The following TRPV3 variants were observed in gnomAD, a reference collection of about 807,000 sequenced individuals.
TRPV3 encodes VRL-3.
TRPV3 carries 88 observed loss-of-function variants against 87.1 expected under a neutral mutation model. The observed-to-expected ratio is 1.01, with a 90% CI of 0.85 to 1.21. TRPV3 has a LOEUF of 1.21. Among genes scored for constraint, TRPV3 ranks in the 50% most tolerant of loss-of-function variants. TRPV3 has a pLI of 0.00. For missense variants in TRPV3, 1,054 were observed against 1,030.1 expected (o/e 1.02, Z -0.32); for synonymous variants, 438 against 423.3 (o/e 1.03, Z -0.43).
intron 14 of TRPV3, among the ~76,000 whole-genome samples, chr17:3,519,723 T>G (rs1214883841): frequency 6.8e-6 from 1 of 147,636 alleles, no homozygotes; most frequent in African/African-American, 2.5e-5. Flanking sequence ...GATGGATGGA[T>G]GGATGGATGG....
chr17:3,513,974 G>C lies in TRPV3; in HGVS notation c.2316C>G (p.Ser772Arg). 1 of 1,614,088 alleles carries C rather than the reference G, an allele frequency of 6.2e-7. No homozygotes were observed. The highest frequency in any genetic ancestry group is 8.5e-7 in the Non-Finnish European group (1 of 1,179,968). ...NKIQDSSRNNSKTTLNAFEEV... is the reference protein window; with the variant it reads ...NKIQDSSRNNRKTTLNAFEEV... ...CTTCAAATGCATTGAGAGTGGTTTT[G>C]CTGTTGTTCCTGGAAGAATCTTGGA... Residue 772 changes from serine (S) to arginine (R), a missense_variant, in exon 18 of 18, where the codon AGC (serine) becomes AGG (arginine). By Grantham distance (110) the Ser-to-Arg change is moderately radical. Coordinates refer to ENST00000576742, the MANE Select transcript of TRPV3 (RefSeq NM_145068.4).
chr17:3,515,558 G>A (rs1159562404), intron 16 of TRPV3, among the ~76,000 whole-genome samples: 1 of 152,168 alleles, frequency 6.6e-6, no homozygotes, highest in Admixed American at 6.5e-5. Flanking sequence ...CTACCGGGGA[G>A]GCTGAGGCAG....
At chr17:3,526,240 G>C (rs927155702) in intron 12 of TRPV3, among the ~76,000 whole-genome samples, 1 of 152,178 alleles carries the variant, frequency 6.6e-6, no homozygotes, top group Non-Finnish European at 1.5e-5. Flanking sequence ...CACTCTGCAA[G>C]GCTGAGGTGG....
rs1247195894 is a variant in TRPV3 at position 3,519,419 on chromosome 17, T to TG, written c.1811-570dup. Among the ~76,000 whole-genome samples, 227 of 93,132 alleles carry TG rather than the reference T, an allele frequency of 2.4e-3. 1 individual carries two copies. Among genetic ancestry groups the TG allele is most frequent in the African/African-American group, 7.9e-3 (170 of 21,528 alleles). The allele number at this position is 93,132 out of a possible 152,430, so 61.1% of individuals were successfully genotyped here. ...AGGGATGGATGGATGGATGGATGGATGATTGGATGGATGGATGGATGGATG... is the reference window on the plus strand; with the variant it reads ...AGGGATGGATGGATGGATGGATGGATGGATTGGATGGATGGATGGATGGATG... On this transcript the variant is annotated intron_variant, in intron 14 of 17. Transcript: ENST00000576742.
chr17:3,543,369 C>T (rs1231336268), intron 5 of TRPV3, 105 bp downstream of exon 5: 3 of 1,428,276 alleles, frequency 2.1e-6, no homozygotes, highest in African/African-American at 1.4e-5. Flanking sequence ...AATTCAAGGC[C>T]CCTCACACTC....
intron 12 of TRPV3, 83 bp downstream of exon 12, chr17:3,526,771 G>T: frequency 9.0e-7 from 1 of 1,115,286 alleles, no homozygotes; most frequent in Non-Finnish European, 1.3e-6. Flanking sequence ...TAGGATATTT[G>T]TTCAAGAGGC....
intron 14 of TRPV3, among the ~76,000 whole-genome samples, chr17:3,519,634 T>TGAG (rs1253860950): frequency 6.6e-5 from 2 of 30,492 alleles, no homozygotes; most frequent in Non-Finnish European, 1.3e-4. Context: ...GGATGGATGA[T>TGAG]TAGATGGATG....
At chr17:3,549,412 A>G (rs1036819383) in intron 2 of TRPV3, among the ~76,000 whole-genome samples, 1 of 152,152 alleles carries the variant, frequency 6.6e-6, no homozygotes, top group Non-Finnish European at 1.5e-5. Flanking sequence ...GACTTTCCAC[A>G]CTCTGGACAA....
intron 16 of TRPV3, among the ~76,000 whole-genome samples, chr17:3,516,048 T>G (rs1366415777): frequency 6.6e-6 from 1 of 151,620 alleles, no homozygotes; most frequent in Non-Finnish European, 1.5e-5. Flanking sequence ...TAGCCAGGGG[T>G]GGTGGCGCAT....
intron 2 of TRPV3, chr17:3,553,755 C>G (rs574366878): frequency 1.3e-5 from 2 of 152,564 alleles, no homozygotes; most frequent in Non-Finnish European, 2.9e-5. Context: ...GCATTTTTCT[C>G]TCCATGTCCC....
In TRPV3 at chr17:3,556,195, A is replaced by T. The variant is rs1324160536; in HGVS notation, c.-2-1343T>A. Reference sequence around the variant, plus strand: ...CCGTCTCAAAAAAAATGAAAAAAAAAAAAAATAAAGTTTTTATTAAACATA... The same window carrying T: ...CCGTCTCAAAAAAAATGAAAAAAAATAAAAATAAAGTTTTTATTAAACATA... On this transcript the variant is annotated intron_variant, in intron 1 of 17. Coordinates refer to ENST00000576742, the MANE Select transcript of TRPV3 (RefSeq NM_145068.4). This position sits in a 1 kb window ranked among gnomAD's most constrained non-coding sequence, Gnocchi z 4.2. 1.3e-5 allele frequency among the ~76,000 whole-genome samples: 2 copies of T among 151,680 alleles called. No individual in the cohort carries two copies. Among genetic ancestry groups the T allele is most frequent in the African/African-American group, 2.4e-5 (1 of 41,252 alleles).
chr17:3,519,961 G>C (rs72634010), intron 14 of TRPV3, among the ~76,000 whole-genome samples: 1 of 132,012 alleles, frequency 7.6e-6, no homozygotes, highest in African/African-American at 2.9e-5. Flanking sequence ...TGGATGGATC[G>C]ATGGATGAAT....
intron 6 of TRPV3, among the ~76,000 whole-genome samples, chr17:3,541,030 A>G (rs1430574552): frequency 2.6e-5 from 4 of 152,222 alleles, no homozygotes; most frequent in African/African-American, 9.6e-5. Flanking sequence ...ACTTTCTCCC[A>G]TGAGAAGGGT....
intron 2 of TRPV3, 111 bp downstream of exon 2, chr17:3,554,621 A>C (rs1304975340): frequency 5.2e-6 from 4 of 763,376 alleles, no homozygotes; most frequent in Non-Finnish European, 8.7e-6. Context: ...ACCCCGGGCG[A>C]GACTGAGAGT....
At chr17:3,550,841 T>A (rs1005857120) in intron 2 of TRPV3, among the ~76,000 whole-genome samples, 4 of 152,170 alleles carry the variant, frequency 2.6e-5, no homozygotes, top group African/African-American at 9.7e-5. Context: ...TGCTCTTTTA[T>A]TGACTCATCT....
chr17:3,521,037 G>T lies in TRPV3; in HGVS notation c.1746C>A (p.Val582=), dbSNP rs1460626932. The T allele has an allele frequency of 1.9e-6, 3 of 1,603,682 alleles. No homozygotes were observed. Among genetic ancestry groups the T allele is most frequent in the South Asian group, 1.1e-5 (1 of 90,414 alleles). Reference sequence around the variant, plus strand: ...AGAACTTCAGAACATCATGCAAAATGACCTATAAGGAAATAAACATAATTC... The same window carrying T: ...AGAACTTCAGAACATCATGCAAAATTACCTATAAGGAAATAAACATAATTC... The part of the protein sequence containing the change: ...MGMYSVMIQK[V]ILHDVLKFLF... Residue 582 remains valine, a splice_region_variant and synonymous_variant, in exon 14 of 18, where the codon GTC becomes GTA. Transcript: ENST00000576742.
intron 2 of TRPV3, among the ~76,000 whole-genome samples, chr17:3,546,217 G>A (rs1007732721): frequency 9.2e-5 from 14 of 151,776 alleles, no homozygotes; most frequent in Admixed American, 4.6e-4. Context: ...CTAGGCGGGC[G>A]GATCATCTGA....
chr17:3,517,123 T>A (rs1443154203), intron 15 of TRPV3, among the ~76,000 whole-genome samples: 1 of 151,262 alleles, frequency 6.6e-6, no homozygotes, highest in African/African-American at 2.4e-5. Context: ...CCAGCCTGGG[T>A]GACAGAGCGA....
chr17:3,529,127 T>TG, intron 9 of TRPV3, 132 bp from the exon 10 acceptor site: 1 of 1,077,196 alleles, frequency 9.3e-7, no homozygotes, highest in Non-Finnish European at 1.4e-6. Flanking sequence ...ACTGGTCTGG[T>TG]TGGAAATGCT....
Sources: gnomAD v4.1 joint callset for allele counts (sites outside exome capture counted in the v4.1 genomes callset) on GRCh38, gnomAD v4.1.1 for gene constraint, Gnocchi (gnomAD v3.1) non-coding constraint, MANE v1.5 for transcripts, NCBI Gene and HGNC (gene_info 2026-07-23, HGNC 2026-07-21) for gene names.